Variants in LRBA observed in about 807,000 individuals in gnomAD.
LRBA encodes the protein LPS responsive beige-like anchor protein, also known as lipopolysaccharide-responsive and beige-like anchor protein.
In LRBA, 176 loss-of-function variants were observed where a neutral mutation model predicts 330.0. The observed-to-expected ratio is 0.53, with a 90% CI of 0.47 to 0.60. The LOEUF (loss-of-function observed/expected upper bound fraction) is 0.60. LRBA is among the 20% of genes least tolerant of loss of function. The pLI is 0.00. For synonymous variants in LRBA, 1,230 were observed against 1,193.0 expected (o/e 1.03, Z -0.64); for missense variants, 3,259 against 3,444.8 (o/e 0.95, Z 1.35).
At chr4:150,383,691 A>G (rs947068140) in intron 47 of LRBA, among the ~76,000 whole-genome samples, 3 of 152,178 alleles carry the variant, frequency 2.0e-5, no homozygotes, top group Admixed American at 2.0e-4. Context: ...TATGAATAAG[A>G]TGTATATAAA....
intron 40 of LRBA, among the ~76,000 whole-genome samples, chr4:150,500,357 C>A (rs1287610330): frequency 1.3e-5 from 2 of 151,974 alleles, no homozygotes; most frequent in Admixed American, 1.3e-4. Flanking sequence ...GGCAAATATT[C>A]CTGAGGTCAG....
At chr4:150,927,640 G>T (rs971444261) in intron 4 of LRBA, among the ~76,000 whole-genome samples, 1 of 152,052 alleles carries the variant, frequency 6.6e-6, no homozygotes, top group Non-Finnish European at 1.5e-5. Context: ...AAGAAACAAT[G>T]ACTAAAATGT....
intron 2 of LRBA, among the ~76,000 whole-genome samples, chr4:150,975,477 G>T (rs1740048508): frequency 6.7e-6 from 1 of 150,258 alleles, no homozygotes; most frequent in Non-Finnish European, 1.5e-5. Flanking sequence ...AGTGAGCCCA[G>T]ATCGCACCAC....
At chr4:150,873,865 A>G (rs1382272828) in intron 17 of LRBA, among the ~76,000 whole-genome samples, 6 of 152,228 alleles carry the variant, frequency 3.9e-5, no homozygotes, top group African/African-American at 1.4e-4. Flanking sequence ...AAAAGCAGGT[A>G]TATAAAAAAG....
chr4:150,353,061 A>G (rs1737381336), intron 47 of LRBA, among the ~76,000 whole-genome samples: 1 of 152,190 alleles, frequency 6.6e-6, no homozygotes, highest in Non-Finnish European at 1.5e-5. Flanking sequence ...GGAAGGACCT[A>G]TGCATATCTT....
chr4:150,297,655 C>T (rs1200423783), intron 53 of LRBA, among the ~76,000 whole-genome samples: 1 of 152,142 alleles, frequency 6.6e-6, no homozygotes, highest in Non-Finnish European at 1.5e-5. Flanking sequence ...TTGTTTCAAG[C>T]ATTACTTTCT....
chr4:150,843,826 CTTAA>C (rs1389005826), intron 28 of LRBA, among the ~76,000 whole-genome samples: 1 of 152,122 alleles, frequency 6.6e-6, no homozygotes, highest in Non-Finnish European at 1.5e-5. Context: ...AGTTGTTGGA[CTTAA>C]TTAATACATG....
rs749894370 is a variant in LRBA at position 150,761,852 on chromosome 4, A to G, written c.5581-5T>C. ...CTGAATAGAATTTTGCCACTCCTATAAAAAAAAAAGCAAAAATAGCTGAAG... is the reference window on the plus strand; with the variant it reads ...CTGAATAGAATTTTGCCACTCCTATGAAAAAAAAAGCAAAAATAGCTGAAG... On this transcript the variant is annotated splice_region_variant and splice_polypyrimidine_tract_variant and intron_variant, in intron 34 of 56. Coordinates refer to ENST00000651943, the MANE Select transcript of LRBA (RefSeq NM_001364905.1). 20 of 1,009,600 alleles carry G rather than the reference A, an allele frequency of 2.0e-5. No homozygotes were observed. The highest frequency in any genetic ancestry group is 1.1e-4 in the South Asian group (5 of 44,668). 62.5% of individuals were successfully genotyped at this position (1,009,600 alleles called of 1,614,324 possible).
intron 53 of LRBA, among the ~76,000 whole-genome samples, chr4:150,298,706 A>G (rs995533796): frequency 8.5e-5 from 13 of 152,134 alleles, no homozygotes; most frequent in Admixed American, 7.2e-4. Flanking sequence ...CGCCAATCCC[A>G]TAAAGGAGAA....
chr4:150,603,994 AT>A (rs1400004407), intron 37 of LRBA, among the ~76,000 whole-genome samples: 12 of 152,222 alleles, frequency 7.9e-5, no homozygotes, highest in Admixed American at 7.9e-4. Flanking sequence ...AATGAGAATC[AT>A]TTGGAAGAGG....
chr4:150,432,453 C>CTTTTTT (rs35393002), intron 46 of LRBA, among the ~76,000 whole-genome samples: 2,277 of 98,248 alleles, frequency 0.023, 302 homozygotes, highest in Non-Finnish European at 0.026. Context: ...TAAGTGTGTT[C>CTTTTTT]TTTTTTTTTT....
intron 56 of LRBA, 37 bp downstream of exon 56, chr4:150,277,816 T>C: frequency 6.2e-7 from 1 of 1,605,410 alleles, no homozygotes; most frequent in Non-Finnish European, 8.5e-7. Context: ...CTGCAGTTTT[T>C]GAAACCCCTA....
At chr4:150,437,220 T>G (rs1161701353) in intron 44 of LRBA, among the ~76,000 whole-genome samples, 1 of 151,966 alleles carries the variant, frequency 6.6e-6, no homozygotes, top group Non-Finnish European at 1.5e-5. Context: ...TTTAGTTAAT[T>G]AGAAGCAACA....
intron 47 of LRBA, among the ~76,000 whole-genome samples, chr4:150,351,614 A>G (rs541473469): frequency 5.5e-4 from 83 of 152,192 alleles, no homozygotes; most frequent in Non-Finnish European, 1.0e-3. Flanking sequence ...GCATGAACCC[A>G]GGAGGTGGAG....
At position 150,828,276 on chromosome 4, in the gene LRBA, C is replaced by T. The variant is rs571700638; in HGVS notation, c.5075G>A (p.Gly1692Glu). The change falls in exon 30 of 57, where the codon GGA becomes GAA. Residue 1692 changes from glycine (G) to glutamate (E), a missense_variant. By Grantham distance (98) the Gly-to-Glu change is moderately conservative. Transcript: ENST00000651943. ...CAGAAGGGCAGGATCCACTGTGACT[C>T]CATCTGCTGGTATGTTAACCAAGCT... The part of the protein sequence containing the change: ...LRSLVNIPAD[G>E]VTVDPALLPP... The T allele has an allele frequency of 6.2e-7, 1 of 1,614,146 alleles. No individual in the cohort carries two copies. Among genetic ancestry groups the T allele is most frequent in the South Asian group, 1.1e-5 (1 of 91,084 alleles).
intron 24 of LRBA, 105 bp from the exon 25 acceptor site, chr4:150,849,680 A>C (rs1750366799): frequency 1.2e-6 from 1 of 842,752 alleles, no homozygotes. Flanking sequence ...CTTCATCTTG[A>C]AAACTGAAGG....
chr4:150,338,000 A>G (rs1473379574), intron 48 of LRBA, among the ~76,000 whole-genome samples: 3 of 152,192 alleles, frequency 2.0e-5, no homozygotes, highest in African/African-American at 7.2e-5. Flanking sequence ...TTTTCCTTGG[A>G]TAAGATATCT....
chr4:150,586,044 G>A (rs1772076389), intron 40 of LRBA, among the ~76,000 whole-genome samples: 2 of 152,048 alleles, frequency 1.3e-5, no homozygotes, highest in Non-Finnish European at 2.9e-5. Flanking sequence ...TATTTTTCTA[G>A]TTGCTCTTCC....
At chr4:150,974,709 G>A (rs552719299) in intron 2 of LRBA, among the ~76,000 whole-genome samples, 37 of 152,298 alleles carry the variant, frequency 2.4e-4, no homozygotes, top group South Asian at 2.3e-3. Context: ...AAAAAGGCAG[G>A]AGAGGGTAGG....
Sources: gnomAD v4.1 joint callset for allele counts (sites outside exome capture counted in the v4.1 genomes callset) on GRCh38, gnomAD v4.1.1 for gene constraint, MANE v1.5 for transcripts, NCBI Gene and HGNC (gene_info 2026-07-23, HGNC 2026-07-21) for gene names.